SGMS1: variants seen among roughly 807,000 people sequenced by gnomAD.
SGMS1 encodes the protein phosphatidylcholine:ceramide cholinephosphotransferase 1.
Under a neutral mutation model 46.2 loss-of-function variants are expected in SGMS1, and 13 were observed. The ratio of observed to expected loss-of-function variants is 0.28; its 90% CI spans 0.18 to 0.45. SGMS1 has a LOEUF of 0.45. Ranked by LOEUF, SGMS1 falls within the 20% of genes least tolerant of loss-of-function variation. SGMS1 has a pLI of 1.00. For synonymous variants in SGMS1, 203 were observed against 187.8 expected, an observed-to-expected ratio of 1.08 and a Z score of -0.66; for missense variants, 324 against 519.9, an observed-to-expected ratio of 0.62 and a Z score of 3.66.
At chr10:50,483,930 A>T (rs1837498256) in intron 3 of SGMS1, among the ~76,000 whole-genome samples, 1 of 152,202 alleles carries the variant, frequency 6.6e-6, no homozygotes, top group Non-Finnish European at 1.5e-5. Flanking sequence ...AAATGACCAC[A>T]TCAAAAATCT....
At chr10:50,317,095 G>A (rs532803668) in intron 8 of SGMS1, among the ~76,000 whole-genome samples, 1 of 152,264 alleles carries the variant, frequency 6.6e-6, no homozygotes, top group Admixed American at 6.5e-5. Flanking sequence ...TCAAAGACCA[G>A]ATCTGATAAA....
chr10:50,454,050 C>CAAAAAA (rs71846628), intron 5 of SGMS1, among the ~76,000 whole-genome samples: 1,669 of 95,372 alleles, frequency 0.017, no homozygotes, highest in Non-Finnish European at 0.021. Flanking sequence ...TTTACATAGG[C>CAAAAAA]AAAAAAAAAA....
chr10:50,336,437 C>T (rs570049383), intron 7 of SGMS1, among the ~76,000 whole-genome samples: 23 of 152,276 alleles, frequency 1.5e-4, no homozygotes, highest in Admixed American at 3.3e-4. Flanking sequence ...GCCCATTCCA[C>T]ACTTAGAAGG....
At chr10:50,617,082 G>T (rs1361481463) in intron 1 of SGMS1, among the ~76,000 whole-genome samples, 1 of 152,080 alleles carries the variant, frequency 6.6e-6, no homozygotes, top group Non-Finnish European at 1.5e-5. Flanking sequence ...AATTGGGGGG[G>T]CATAAAAACA....
At chr10:50,535,579 A>G (rs1176898689) in intron 2 of SGMS1, among the ~76,000 whole-genome samples, 1 of 152,142 alleles carries the variant, frequency 6.6e-6, no homozygotes, top group Middle Eastern at 3.2e-3. Context: ...CATGTTGGCT[A>G]GGATGGTCTC....
chr10:50,468,649 T>C (rs1296989966), intron 3 of SGMS1, among the ~76,000 whole-genome samples: 2 of 152,190 alleles, frequency 1.3e-5, no homozygotes, highest in East Asian at 3.8e-4. Flanking sequence ...CAGATAATTA[T>C]TGAAGAACCC....
chr10:50,488,117 G>A lies in SGMS1; in HGVS notation c.-497-21185C>T, dbSNP rs553146718. Among the ~76,000 whole-genome samples, 426 of 151,834 alleles carry A rather than the reference G, an allele frequency of 2.8e-3. 1 individual carries two copies. The highest frequency in any genetic ancestry group is 4.3e-3 in the Non-Finnish European group (289 of 67,936). On this transcript the variant is annotated intron_variant, in intron 3 of 10. Coordinates refer to ENST00000361781, the MANE Select transcript of SGMS1 (RefSeq NM_147156.4). The stretch of plus-strand genomic sequence containing the variant: ...CAACCTCTGCCTCCTGGGTTCTAGC[G>A]ACACTCCTGCCTCAGCCTTCCAGGT...
At chr10:50,366,715 A>G (rs1423289765) in intron 6 of SGMS1, among the ~76,000 whole-genome samples, 6 of 151,802 alleles carry the variant, frequency 4.0e-5, no homozygotes, top group African/African-American at 1.5e-4. Context: ...AAAACTAAAC[A>G]CCATGTGTTC....
chr10:50,319,335 G>A (rs904916232), intron 8 of SGMS1, among the ~76,000 whole-genome samples: 1 of 152,072 alleles, frequency 6.6e-6, no homozygotes, highest in African/African-American at 2.4e-5. Flanking sequence ...TTGGGAAGAA[G>A]TCGAATAAAT....
At chr10:50,327,507 C>T (rs1330775197) in intron 7 of SGMS1, among the ~76,000 whole-genome samples, 185 bp from the exon 8 acceptor site, 1 of 152,120 alleles carries the variant, frequency 6.6e-6, no homozygotes, top group East Asian at 1.9e-4. Flanking sequence ...TTGTGTGGTG[C>T]TTTTTAAAAA....
At chr10:50,472,367 T>C (rs939111776) in intron 3 of SGMS1, among the ~76,000 whole-genome samples, 1 of 152,130 alleles carries the variant, frequency 6.6e-6, no homozygotes, top group Non-Finnish European at 1.5e-5. Flanking sequence ...CATCCCAGCC[T>C]CTGGTAACCA....
chr10:50,370,379 T>G (rs775014936), intron 6 of SGMS1, among the ~76,000 whole-genome samples: 44 of 151,858 alleles, frequency 2.9e-4, no homozygotes, highest in Admixed American at 5.2e-4. Flanking sequence ...CTTTATATCC[T>G]TATTCTATAG....
At position 50,500,197 on chromosome 10, in the gene SGMS1, A is replaced by G. The variant is rs978781234; in HGVS notation, c.-498+19634T>C. 3.9e-5 allele frequency among the ~76,000 whole-genome samples: 6 copies of G among 152,260 alleles called. No individual in the cohort carries two copies. In the East Asian group the frequency reaches 1.2e-3, roughly 29 times the overall value. Reference sequence around the variant, plus strand: ...ACAAACTAACAAACAAACAAACAAAAAAACAAGCTTGATCTGTTGTAGATT... The same window carrying G: ...ACAAACTAACAAACAAACAAACAAAGAAACAAGCTTGATCTGTTGTAGATT... On this transcript the variant is annotated intron_variant, in intron 3 of 10. Coordinates refer to ENST00000361781, the MANE Select transcript of SGMS1 (RefSeq NM_147156.4).
intron 6 of SGMS1, among the ~76,000 whole-genome samples, chr10:50,350,253 C>T (rs531574757): frequency 4.1e-4 from 62 of 152,120 alleles, no homozygotes; most frequent in Admixed American, 1.0e-3. Flanking sequence ...GGGTACCTGG[C>T]GGAAGAAATT....
intron 3 of SGMS1, among the ~76,000 whole-genome samples, chr10:50,480,030 C>T (rs1264154020): frequency 6.6e-6 from 1 of 152,080 alleles, no homozygotes; most frequent in Non-Finnish European, 1.5e-5. Context: ...ATCCCTCCAG[C>T]CTTTTACATT....
intron 6 of SGMS1, among the ~76,000 whole-genome samples, chr10:50,354,848 T>A (rs1434043269): frequency 6.6e-6 from 1 of 152,144 alleles, no homozygotes; most frequent in Admixed American, 6.5e-5. Context: ...AAAGTGCTCA[T>A]CATCACTGAC....
At chr10:50,493,988 G>T (rs1837588871) in intron 3 of SGMS1, among the ~76,000 whole-genome samples, 1 of 152,166 alleles carries the variant, frequency 6.6e-6, no homozygotes, top group Non-Finnish European at 1.5e-5. Flanking sequence ...TAGTAGAGAT[G>T]GGGTTTCACC....
intron 2 of SGMS1, among the ~76,000 whole-genome samples, chr10:50,546,374 A>G (rs1588872835): frequency 2.0e-5 from 3 of 152,256 alleles, no homozygotes; most frequent in Admixed American, 6.5e-5. Context: ...ATTACTGGGT[A>G]TATACCCAAA....
In SGMS1 at chr10:50,623,737, T is replaced by C; in HGVS notation, c.-714A>G. 2 of 985,282 alleles carry C rather than the reference T, an allele frequency of 2.0e-6. No individual in the cohort carries two copies. The highest frequency in any genetic ancestry group is 2.4e-6 in the Non-Finnish European group (2 of 829,900). 61.0% of individuals were successfully genotyped at this position (985,282 alleles called of 1,614,324 possible). A position where few individuals can be genotyped will look rare whatever the true frequency, so the allele number is the denominator to read the frequency against. On this transcript the variant is annotated 5_prime_UTR_variant, in exon 1 of 11. Transcript: ENST00000361781. The stretch of plus-strand genomic sequence containing the variant: ...CTGGAGTCACGGCAGCCGCCGGAAT[T>C]CCGCTCGCGGAGCCCCCGCCGCGGA...
Sources: allele counts gnomAD v4.1 joint callset (sites outside exome capture counted in the v4.1 genomes callset), GRCh38; gene constraint gnomAD v4.1.1; transcripts MANE v1.5; gene names NCBI Gene and HGNC (gene_info 2026-07-23, HGNC 2026-07-21).